The following DRD2 variants were observed in gnomAD, a reference collection of about 807,000 sequenced individuals.
The protein encoded by DRD2 is D(2) dopamine receptor.
DRD2 carries 8 observed loss-of-function variants against 38.0 expected under a neutral mutation model. The observed-to-expected ratio is 0.21, with a 90% CI of 0.12 to 0.38. The LOEUF (loss-of-function observed/expected upper bound fraction) is 0.38, where lower values mean the gene tolerates loss of function less well. DRD2 is among the 10% of genes least tolerant of loss of function. The pLI, the probability that DRD2 is intolerant of heterozygous loss-of-function variation, is 1.00. For missense variants in DRD2, 403 were observed against 607.7 expected, an observed-to-expected ratio of 0.66 and a Z score of 3.54; for synonymous variants, 230 against 238.6, an observed-to-expected ratio of 0.96 and a Z score of 0.33.
intron 1 of DRD2, among the ~76,000 whole-genome samples, chr11:113,460,682 C>G (rs1002795685): frequency 1.3e-5 from 2 of 152,242 alleles, no homozygotes; most frequent in Non-Finnish European, 2.9e-5. Flanking sequence ...CCCTTTGCTC[C>G]TCTCCTCCCA....
chr11:113,459,859 C>T (rs1951301863), intron 1 of DRD2, among the ~76,000 whole-genome samples: 1 of 152,182 alleles, frequency 6.6e-6, no homozygotes, highest in Admixed American at 6.5e-5. Flanking sequence ...TTGTTCATTA[C>T]ACAGTGCATG....
At chr11:113,463,300 G>A (rs1951339615) in intron 1 of DRD2, among the ~76,000 whole-genome samples, 1 of 152,208 alleles carries the variant, frequency 6.6e-6, no homozygotes, top group South Asian at 2.1e-4. Context: ...AACTTTTAAT[G>A]TGGCTACCTG....
At chr11:113,465,847 A>G (rs1951363967) in intron 1 of DRD2, among the ~76,000 whole-genome samples, 1 of 152,218 alleles carries the variant, frequency 6.6e-6, no homozygotes, top group African/African-American at 2.4e-5. Context: ...AATTTGGAGC[A>G]CAGGTTGGGA....
intron 1 of DRD2, among the ~76,000 whole-genome samples, chr11:113,462,757 G>T (rs774097763): frequency 5.9e-5 from 9 of 152,262 alleles, no homozygotes; most frequent in Non-Finnish European, 1.3e-4. Context: ...CAGCCAATCT[G>T]CTCTACATGC....
At chr11:113,435,459 C>G (rs986480607) in intron 1 of DRD2, among the ~76,000 whole-genome samples, 2 of 152,058 alleles carry the variant, frequency 1.3e-5, no homozygotes, top group East Asian at 3.9e-4. Context: ...GGGCAGATCC[C>G]TGGGGCAGCT....
At chr11:113,451,105 A>G (rs973896218) in intron 1 of DRD2, among the ~76,000 whole-genome samples, 5 of 152,238 alleles carry the variant, frequency 3.3e-5, no homozygotes, top group East Asian at 1.9e-4. Context: ...TCCAGAACAC[A>G]TAATTGGAAT....
At chr11:113,414,094 A>C in intron 6 of DRD2, 1 of 476,870 alleles carries the variant, frequency 2.1e-6, no homozygotes, top group Admixed American at 3.2e-5. Flanking sequence ...TAATAGGGAT[A>C]TGGTAGATGT....
At chr11:113,471,590 G>A (rs1201414740) in intron 1 of DRD2, among the ~76,000 whole-genome samples, 2 of 152,178 alleles carry the variant, frequency 1.3e-5, no homozygotes, top group African/African-American at 4.8e-5. Flanking sequence ...GTTTCCGAGT[G>A]TTTCCTATAT....
At chr11:113,413,215 G>C in intron 6 of DRD2, 1 of 628,062 alleles carries the variant, frequency 1.6e-6, no homozygotes. Context: ...TGGCTGCTGG[G>C]GTCAAGAGCT....
intron 1 of DRD2, among the ~76,000 whole-genome samples, chr11:113,453,712 T>A (rs777614770): frequency 4.6e-5 from 7 of 152,314 alleles, no homozygotes; most frequent in Admixed American, 1.3e-4. Flanking sequence ...ATGACGGAGA[T>A]GCCGGCACAC....
intron 1 of DRD2, among the ~76,000 whole-genome samples, chr11:113,460,787 G>A (rs993704422): frequency 2.6e-5 from 4 of 152,238 alleles, no homozygotes; most frequent in Admixed American, 1.3e-4. Context: ...GGATGAAGAC[G>A]AGATGAAAGC....
intron 6 of DRD2, 132 bp from the exon 7 acceptor site, chr11:113,413,015 C>A (rs1039752498): frequency 1.9e-6 from 2 of 1,044,368 alleles, no homozygotes; most frequent in African/African-American, 1.6e-5. Context: ...GCCAGGGAGG[C>A]AAGGATGTCA....
intron 1 of DRD2, among the ~76,000 whole-genome samples, chr11:113,444,243 A>T (rs1182785572): frequency 6.6e-6 from 1 of 152,106 alleles, no homozygotes; most frequent in Non-Finnish European, 1.5e-5. Context: ...CACCATGTTG[A>T]CCAGGCTGGT....
In DRD2 at chr11:113,422,017, TA is replaced by T. The variant is rs1417981911; in HGVS notation, c.285+2349del. Reference sequence around the variant, plus strand: ...GACTTACAGATTCCTGGGAACCCCCTATAGCCCATGTATGGATTTGTCCCTA... The same window carrying T: ...GACTTACAGATTCCTGGGAACCCCCTTAGCCCATGTATGGATTTGTCCCTA... On this transcript the variant is annotated intron_variant, in intron 2 of 7. Transcript: ENST00000362072. Among the ~76,000 whole-genome samples, 8 of 152,130 alleles carry T rather than the reference TA, an allele frequency of 5.3e-5. No homozygotes were observed. In the East Asian group the frequency reaches 1.5e-3, roughly 29 times the overall value.
intron 1 of DRD2, among the ~76,000 whole-genome samples, chr11:113,449,170 C>T (rs909402934): frequency 6.6e-6 from 1 of 152,090 alleles, no homozygotes; most frequent in Non-Finnish European, 1.5e-5. Context: ...CCTTTGAATG[C>T]TGCCATTTCT....
At chr11:113,464,027 T>G (rs1413893763) in intron 1 of DRD2, among the ~76,000 whole-genome samples, 1 of 152,192 alleles carries the variant, frequency 6.6e-6, no homozygotes, top group East Asian at 1.9e-4. Flanking sequence ...AGAGGAACAA[T>G]GGATGTCCAC....
At chr11:113,474,764 G>T (rs565621703) in intron 1 of DRD2, among the ~76,000 whole-genome samples, 1 of 151,938 alleles carries the variant, frequency 6.6e-6, no homozygotes, top group Admixed American at 6.6e-5. Context: ...CGGCTCCGCC[G>T]TGCTGCCCTG....
rs4986921 is a variant in DRD2 at position 113,412,842 on chromosome 11, G to A, written c.852C>T (p.Leu284=). 3,708 of 1,613,034 alleles carry A rather than the reference G, an allele frequency of 2.3e-3. 78 individuals are homozygous for A. The African/African-American group carries it at 0.044, about 19-fold the overall frequency. ...TCCTCTCGGGTGGGCTGGTGCTGGAGAGCATCTCCATCTCCAGCTCCTGGG... is the reference window on the plus strand; with the variant it reads ...TCCTCTCGGGTGGGCTGGTGCTGGAAAGCATCTCCATCTCCAGCTCCTGGG... ...RRAQELEMEM[L]SSTSPPERTR... is the part of the protein sequence containing the mutation. The change falls in exon 7 of 8, where the codon CTC becomes CTT. Residue 284 remains leucine (L), a synonymous_variant. Transcript: ENST00000362072.
chr11:113,425,042 G>C (rs1323093147), intron 1 of DRD2: 1 of 293,344 alleles, frequency 3.4e-6, no homozygotes, highest in African/African-American at 2.2e-5. Flanking sequence ...ACAGAAATGG[G>C]TATTCATTCA....
Sources: gnomAD v4.1 joint callset for allele counts (sites outside exome capture counted in the v4.1 genomes callset) on GRCh38, gnomAD v4.1.1 for gene constraint, MANE v1.5 for transcripts, NCBI Gene and HGNC (gene_info 2026-07-23, HGNC 2026-07-21) for gene names.